The following THOC7 variants were observed in gnomAD, a reference collection of about 807,000 sequenced individuals.
THOC7 encodes the protein THO complex subunit 7.
Under a neutral mutation model 33.1 loss-of-function variants are expected in THOC7, and 22 were observed. The observed-to-expected ratio is 0.66, with a 90% CI of 0.47 to 0.95. THOC7 has a LOEUF of 0.95. THOC7 is among the 40% of genes least tolerant of loss of function. The probability of loss-of-function intolerance (pLI) is 0.00; values close to 1 mark genes in which losing one functional copy is unlikely to be tolerated. For missense variants in THOC7, 184 were observed against 245.3 expected, an observed-to-expected ratio of 0.75 and a Z score of 1.67; for synonymous variants, 77 against 76.8, an observed-to-expected ratio of 1.00 and a Z score of -0.01.
At chr3:63,858,360 T>C (rs759754982) in intron 1 of THOC7, among the ~76,000 whole-genome samples, 1 of 152,216 alleles carries the variant, frequency 6.6e-6, no homozygotes. Context: ...TAGAAAGTCA[T>C]AATGCAGCTC....
chr3:63,853,188 C>T (rs1464331311), intron 1 of THOC7, among the ~76,000 whole-genome samples: 1 of 151,118 alleles, frequency 6.6e-6, no homozygotes, highest in East Asian at 1.9e-4. Context: ...AATCACAGGT[C>T]CTAGAAGGCA....
rs201528327 is a variant in THOC7, at chr3:63,838,499, T to A, written c.138A>T (p.Gly46=). 6.3e-7 allele frequency: 1 copy of A among 1,584,100 alleles called. No homozygotes were observed. ...TCAGCATACGTTGGTACTGGCTATA[T>A]CTAATGAAAAAGAAAGAAAACCAAA... is the stretch of plus-strand genomic sequence containing the variant. ...KWCNSGSQEE[G]YSQYQRMLST... is the part of the protein sequence containing the mutation. The change falls in exon 3 of 8, where the codon GGA becomes GGT. Residue 46 remains glycine, a splice_region_variant and synonymous_variant. Coordinates refer to ENST00000295899, the MANE Select transcript of THOC7 (RefSeq NM_025075.4).
chr3:63,850,359 C>T (rs180975847), intron 1 of THOC7, among the ~76,000 whole-genome samples: 1 of 151,568 alleles, frequency 6.6e-6, no homozygotes, highest in Non-Finnish European at 1.5e-5. Context: ...TACCACCACA[C>T]CCAGCTAATT....
chr3:63,836,242 A>G, intron 5 of THOC7, 59 bp downstream of exon 5: 1 of 1,499,442 alleles, frequency 6.7e-7, no homozygotes, highest in Admixed American at 1.9e-5. Context: ...TGCCTACGGT[A>G]GTTTTCGAGC....
chr3:63,835,809 TACTATATCA>T (rs1255390749), intron 5 of THOC7, among the ~76,000 whole-genome samples: 1 of 152,112 alleles, frequency 6.6e-6, no homozygotes, highest in Non-Finnish European at 1.5e-5. Context: ...CTCAGGCAAC[TACTATATCA>T]TTCTTATTCT....
intron 4 of THOC7, among the ~76,000 whole-genome samples, chr3:63,837,436 GTATACTCTAAC>G (rs1701658598): frequency 6.6e-6 from 1 of 151,844 alleles, no homozygotes; most frequent in Admixed American, 6.6e-5. Flanking sequence ...CTACATAAGG[GTATACTCTAAC>G]TTAAAAACAA....
intron 1 of THOC7, among the ~76,000 whole-genome samples, chr3:63,849,248 T>G (rs891697398): frequency 1.3e-5 from 2 of 151,984 alleles, no homozygotes; most frequent in African/African-American, 4.8e-5. Flanking sequence ...ATTGGCCGAG[T>G]GTGGTGGCAT....
rs1156496183 is a variant in THOC7 at position 63,863,688 on chromosome 3, G to A, written c.19+84C>T. ...AGGCCGGGGAGGCCGAGGGGTTCCC[G>A]GAAGCGGGCCGGGAGGCCAGGGGTC... On this transcript the variant is annotated intron_variant, in intron 1 of 7. Coordinates refer to ENST00000295899, the MANE Select transcript of THOC7 (RefSeq NM_025075.4). 3 of 1,239,234 alleles carry A rather than the reference G, an allele frequency of 2.4e-6. No individual in the cohort carries two copies. In the African/African-American group the frequency reaches 4.7e-5, roughly 19 times the overall value. The allele number at this position is 1,239,234 out of a possible 1,614,324, so 76.8% of individuals were successfully genotyped here. A position where few individuals can be genotyped will look rare whatever the true frequency, so the allele number is the denominator to read the frequency against.
At chr3:63,834,652 T>G (rs893864451) in intron 7 of THOC7, among the ~76,000 whole-genome samples, 2 of 149,516 alleles carry the variant, frequency 1.3e-5, no homozygotes, top group Non-Finnish European at 3.0e-5. Context: ...AGAGCAAGAC[T>G]GTCTTAAAAA....
At chr3:63,851,224 C>G (rs1702015366) in intron 1 of THOC7, among the ~76,000 whole-genome samples, 1 of 152,126 alleles carries the variant, frequency 6.6e-6, no homozygotes, top group South Asian at 2.1e-4. Context: ...GCTGGAACAA[C>G]AAAAACTCAA....
At chr3:63,849,329 A>G (rs1701973242) in intron 1 of THOC7, among the ~76,000 whole-genome samples, 1 of 152,218 alleles carries the variant, frequency 6.6e-6, no homozygotes, top group Admixed American at 6.5e-5. Context: ...CGGAGGTTGC[A>G]GCGGGCCAAG....
chr3:63,857,357 G>A (rs528659556), intron 1 of THOC7, among the ~76,000 whole-genome samples: 29 of 152,154 alleles, frequency 1.9e-4, no homozygotes, highest in African/African-American at 6.3e-4. Flanking sequence ...ATTCTACTCC[G>A]TTACTGAATA....
At chr3:63,863,467 G>A in intron 1 of THOC7, 1 of 1,155,432 alleles carries the variant, frequency 8.7e-7, no homozygotes, top group Non-Finnish European at 1.1e-6. Flanking sequence ...GGCCACCCAC[G>A]TGTGTTCCCA....
At chr3:63,838,205 A>G (rs2107122479) in intron 3 of THOC7, 143 bp from the exon 4 acceptor site, 2 of 912,924 alleles carry the variant, frequency 2.2e-6, no homozygotes, top group Non-Finnish European at 3.2e-6. Flanking sequence ...CCAAAGTACT[A>G]TATCATCTTA....
intron 1 of THOC7, among the ~76,000 whole-genome samples, chr3:63,841,993 A>C (rs1244850760): frequency 6.6e-6 from 1 of 152,198 alleles, no homozygotes; most frequent in African/African-American, 2.4e-5. Flanking sequence ...TCAAATGTAA[A>C]TACATTAAAG....
intron 1 of THOC7, among the ~76,000 whole-genome samples, chr3:63,845,723 G>A (rs932462996): frequency 1.3e-5 from 2 of 152,114 alleles, no homozygotes; most frequent in African/African-American, 4.8e-5. Context: ...CAAAGCCAAA[G>A]CCATTTTGGC....
At chr3:63,864,311 G>T (rs1392471463), upstream of THOC7, among the ~76,000 whole-genome samples, 1 of 152,002 alleles carries the variant, frequency 6.6e-6, no homozygotes, top group South Asian at 2.1e-4. Context: ...CGTTTCCCTG[G>T]GGGGTGGGGA....
At chr3:63,849,157 C>A (rs567833210) in intron 1 of THOC7, among the ~76,000 whole-genome samples, 4 of 152,038 alleles carry the variant, frequency 2.6e-5, no homozygotes, top group Non-Finnish European at 4.4e-5. Flanking sequence ...GAGGCCAAGG[C>A]GGGTGGATCA....
At position 63,858,022 on chromosome 3, in the gene THOC7, A is replaced by G. The variant is rs898643118; in HGVS notation, c.19+5750T>C. Reference sequence around the variant, plus strand: ...ATGCAATGGCACTAATGAAAAAAAAACCCAAAAACAAAAGAACCCTGTGCC... The same window carrying G: ...ATGCAATGGCACTAATGAAAAAAAAGCCCAAAAACAAAAGAACCCTGTGCC... On this transcript the variant is annotated intron_variant, in intron 1 of 7. Transcript: ENST00000295899. Among the ~76,000 whole-genome samples, 7 of 152,208 alleles carry G rather than the reference A, an allele frequency of 4.6e-5. No individual in the cohort carries two copies. The South Asian group carries it at 1.4e-3, about 32-fold the overall frequency.
Sources: gnomAD v4.1 joint callset for allele counts (sites outside exome capture counted in the v4.1 genomes callset) on GRCh38, gnomAD v4.1.1 for gene constraint, MANE v1.5 for transcripts, NCBI Gene and HGNC (gene_info 2026-07-23, HGNC 2026-07-21) for gene names.